The following SNX32 variants were observed in gnomAD, a reference collection of about 807,000 sequenced individuals.
SNX32 encodes sorting nexin-32.
In SNX32, 58 loss-of-function variants were observed where a neutral mutation model predicts 57.0. The observed-to-expected ratio is 1.02, with a 90% CI of 0.82 to 1.27. The LOEUF (loss-of-function observed/expected upper bound fraction) is 1.27. SNX32 is among the 50% of genes most tolerant of loss of function. SNX32 has a pLI of 0.00. For synonymous variants in SNX32, 262 were observed against 220.4 expected, an observed-to-expected ratio of 1.19 and a Z score of -1.67; for missense variants, 589 against 541.2, an observed-to-expected ratio of 1.09 and a Z score of -0.88.
At position 65,849,993 on chromosome 11, in the gene SNX32, A is replaced by G; in HGVS notation, c.215A>G (p.Asp72Gly). The stretch of plus-strand genomic sequence containing the variant: ...CACGAGGAGTTCATCTGGCTGCATG[A>G]TGCCTACGTGGAGAATGAGGAGTAC... Reference protein sequence around the residue: ...RQHEEFIWLHDAYVENEEYAG... With the variant: ...RQHEEFIWLHGAYVENEEYAG... Residue 72 changes from aspartate (D) to glycine (G), a missense_variant, in exon 3 of 13, where the codon GAT becomes GGT. Asp to Gly is a moderately conservative substitution (Grantham distance 94, BLOSUM62 -1). Transcript: ENST00000308342. 2 of 1,613,016 alleles carry G rather than the reference A, an allele frequency of 1.2e-6. No homozygotes were observed. The highest frequency in any genetic ancestry group is 1.7e-6 in the Non-Finnish European group (2 of 1,179,116).
In SNX32 at chr11:65,852,894, G is replaced by A. The variant is rs758615571; in HGVS notation, c.1094G>A (p.Arg365His). 14 of 1,614,092 alleles carry A rather than the reference G, an allele frequency of 8.7e-6. No individual in the cohort carries two copies. The highest frequency in any genetic ancestry group is 2.7e-5 in the African/African-American group (2 of 75,018). Residue 365 changes from arginine (R) to histidine (H), a missense_variant, in exon 12 of 13, where the codon CGC (arginine) becomes CAC (histidine). Coordinates refer to ENST00000308342, the MANE Select transcript of SNX32 (RefSeq NM_152760.3). ...AKQELMDFKS[R>H]RVSSFRKNLI... ...CCAGAGCTCATGGACTTCAAGTCCC[G>A]CCGGGTCTCCTCTTTTCGAAAGAAT...
rs1315635142 is a variant in SNX32, at chr11:65,839,256, G to C, written c.36+5155G>C. Among the ~76,000 whole-genome samples, 3 of 7,170 alleles carry C rather than the reference G, an allele frequency of 4.2e-4. No homozygotes were observed. The South Asian group carries it at 0.026, about 62-fold the overall frequency. 4.7% of individuals were successfully genotyped at this position (7,170 alleles called of 152,430 possible). A position where few individuals can be genotyped will look rare whatever the true frequency, so the allele number is the denominator to read the frequency against. On this transcript the variant is annotated intron_variant, in intron 1 of 12. Coordinates refer to ENST00000308342, the MANE Select transcript of SNX32 (RefSeq NM_152760.3). ...TTTTTTTTTTTTTTTTTGAGACGGAGTCTCGCTCTGTCGCCCAGGCTGGAG... is the reference window on the plus strand; with the variant it reads ...TTTTTTTTTTTTTTTTTGAGACGGACTCTCGCTCTGTCGCCCAGGCTGGAG...
rs747530505 is a variant in SNX32 at position 65,849,466 on chromosome 11, C to A, written c.37-12C>A. On this transcript the variant is annotated splice_polypyrimidine_tract_variant and intron_variant, in intron 1 of 12. Coordinates refer to ENST00000308342, the MANE Select transcript of SNX32 (RefSeq NM_152760.3). Reference sequence around the variant, plus strand: ...ATGCTCAGCCAGGCCAGAGACCTCCCCTCCTCCGCAGCCTTCCTGTGCATC... The same window carrying A: ...ATGCTCAGCCAGGCCAGAGACCTCCACTCCTCCGCAGCCTTCCTGTGCATC... 1 of 1,599,984 alleles carries A rather than the reference C, an allele frequency of 6.3e-7. No homozygotes were observed. The highest frequency in any genetic ancestry group is 1.1e-5 in the South Asian group (1 of 88,762).
At chr11:65,853,147 A>T in intron 12 of SNX32, 135 bp from the exon 13 acceptor site, 2 of 1,358,790 alleles carry the variant, frequency 1.5e-6, no homozygotes, top group South Asian at 2.4e-5. Flanking sequence ...CCTTCTGGGT[A>T]GGAAGGCCCA....
intron 1 of SNX32, among the ~76,000 whole-genome samples, chr11:65,843,902 A>G (rs1858916463): frequency 6.6e-6 from 1 of 152,262 alleles, no homozygotes; most frequent in Admixed American, 6.5e-5. Flanking sequence ...GGAAAGAATC[A>G]GAGACCTGAA....
chr11:65,838,425 A>T (rs916997699), intron 1 of SNX32, among the ~76,000 whole-genome samples: 1 of 152,132 alleles, frequency 6.6e-6, no homozygotes, highest in Non-Finnish European at 1.5e-5. Flanking sequence ...GGGTCTTTTT[A>T]TGTTGGCCAA....
At position 65,850,567 on chromosome 11, in the gene SNX32, G is replaced by T; in HGVS notation, c.498+13G>T. ...ATATGGACAGGATGTGAGCTGGGCC[G>T]AATCCCTGGGGTCACCCTTGGGCCA... is the stretch of plus-strand genomic sequence containing the variant. On this transcript the variant is annotated intron_variant, in intron 5 of 12. Transcript: ENST00000308342. The T allele has an allele frequency of 6.3e-7, 1 of 1,595,288 alleles. No individual in the cohort carries two copies. The highest frequency in any genetic ancestry group is 8.5e-7 in the Non-Finnish European group (1 of 1,170,554).
intron 1 of SNX32, among the ~76,000 whole-genome samples, chr11:65,847,593 A>G (rs185288528): frequency 9.2e-5 from 14 of 152,154 alleles, no homozygotes; most frequent in African/African-American, 2.9e-4. Flanking sequence ...ACTTTCCTGT[A>G]TATAACTTAT....
rs865875452 is a variant in SNX32 at position 65,842,936 on chromosome 11, C to T, written c.37-6542C>T. On this transcript the variant is annotated intron_variant, in intron 1 of 12. Transcript: ENST00000308342. ...TGCACTCCAGCCTGAGCAACAAGAGCGAAACTCCATCTCAAAAAAAAAAAA... is the reference window on the plus strand; with the variant it reads ...TGCACTCCAGCCTGAGCAACAAGAGTGAAACTCCATCTCAAAAAAAAAAAA... Among the ~76,000 whole-genome samples, 8 of 109,562 alleles carry T rather than the reference C, an allele frequency of 7.3e-5. No homozygotes were observed. In the South Asian group the frequency reaches 8.6e-4, roughly 12 times the overall value. The allele number at this position is 109,562 out of a possible 152,430, so 71.9% of individuals were successfully genotyped here. A position where few individuals can be genotyped will look rare whatever the true frequency, so the allele number is the denominator to read the frequency against.
intron 1 of SNX32, among the ~76,000 whole-genome samples, chr11:65,838,680 T>A (rs944826432): frequency 2.0e-5 from 3 of 152,162 alleles, no homozygotes; most frequent in Non-Finnish European, 4.4e-5. Context: ...AATACATTAT[T>A]TCAAATGCAC....
At chr11:65,839,409 T>G (rs1858773651) in intron 1 of SNX32, among the ~76,000 whole-genome samples, 1 of 147,226 alleles carries the variant, frequency 6.8e-6, no homozygotes, top group Non-Finnish European at 1.5e-5. Context: ...TTTTGTATTT[T>G]TAGTAGAGAC....
intron 1 of SNX32, among the ~76,000 whole-genome samples, chr11:65,840,163 AT>A (rs1310799129): frequency 3.9e-5 from 6 of 152,296 alleles, no homozygotes; most frequent in Admixed American, 3.3e-4. Flanking sequence ...CTCCAAAAAA[AT>A]AAATAAATAA....
At chr11:65,838,885 T>C (rs1314376650) in intron 1 of SNX32, among the ~76,000 whole-genome samples, 1 of 152,030 alleles carries the variant, frequency 6.6e-6, no homozygotes, top group East Asian at 1.9e-4. Flanking sequence ...GAAGAAATTA[T>C]AATGGAAATT....
chr11:65,834,062 A>G lies in SNX32; in HGVS notation c.-4A>G. The G allele has an allele frequency of 6.4e-7, 1 of 1,550,892 alleles. No homozygotes were observed. The highest frequency in any genetic ancestry group is 1.7e-4 in the Middle Eastern group (1 of 5,986). On this transcript the variant is annotated 5_prime_UTR_variant, in exon 1 of 13. Coordinates refer to ENST00000308342, the MANE Select transcript of SNX32 (RefSeq NM_152760.3). ...GTGGCCGGACGCTGAAGCCCAGGAG[A>G]GCGATGGAGACGTATGCGGAGGTTG...
In SNX32 at chr11:65,851,173, C is replaced by A; in HGVS notation, c.709+13C>A. The A allele has an allele frequency of 1.9e-6, 3 of 1,610,990 alleles. No homozygotes were observed. Among genetic ancestry groups the A allele is most frequent in the Non-Finnish European group, 2.5e-6 (3 of 1,179,266 alleles). On this transcript the variant is annotated intron_variant, in intron 7 of 12. Coordinates refer to ENST00000308342, the MANE Select transcript of SNX32 (RefSeq NM_152760.3). ...CGCGCCCACAAGTGTACGCAGGGCC[C>A]AAGGGGTCCTGGATCCCCCTGCCCC...
intron 1 of SNX32, among the ~76,000 whole-genome samples, chr11:65,844,889 CT>C (rs1858944276): frequency 6.6e-6 from 1 of 151,518 alleles, no homozygotes; most frequent in African/African-American, 2.4e-5. Flanking sequence ...TCACTTGAAC[CT>C]GGGAGGCGGA....
intron 2 of SNX32, 164 bp downstream of exon 2, chr11:65,849,746 GC>G (rs1317911592): frequency 1.3e-6 from 1 of 772,346 alleles, no homozygotes; most frequent in Non-Finnish European, 2.1e-6. Flanking sequence ...TCTGCCTAAG[GC>G]CCCGAGTCCT....
intron 1 of SNX32, among the ~76,000 whole-genome samples, chr11:65,843,343 T>C (rs946824317): frequency 6.6e-6 from 1 of 150,500 alleles, no homozygotes; most frequent in Non-Finnish European, 1.5e-5. Context: ...CCAAGGAGGG[T>C]AGATCACTTG....
At chr11:65,853,107 G>C (rs1369506424) in intron 12 of SNX32, 149 bp downstream of exon 12, 3 of 1,274,846 alleles carry the variant, frequency 2.4e-6, no homozygotes, top group Non-Finnish European at 3.4e-6. Flanking sequence ...CTAAGGCTTG[G>C]GGCCATGCTT....
Sources: allele counts gnomAD v4.1 joint callset (sites outside exome capture counted in the v4.1 genomes callset), GRCh38; gene constraint gnomAD v4.1.1; transcripts MANE v1.5; gene names NCBI Gene and HGNC (gene_info 2026-07-23, HGNC 2026-07-21).